The following CIMIP7 variants were observed in gnomAD, a reference collection of about 807,000 sequenced individuals.
The protein encoded by CIMIP7 is uncharacterized protein C3orf84.
chr3:49,181,284 G>A, the CIMIP7 span, among the ~76,000 whole-genome samples: 10 of 149,258 alleles, frequency 6.7e-5, no homozygotes, highest in Admixed American at 1.3e-4. Context: ...GGAGGTTGCA[G>A]TGAGCCGAGA....
the CIMIP7 span, chr3:49,177,877 T>TGG: frequency 6.2e-7 from 1 of 1,613,868 alleles, no homozygotes. Flanking sequence ...GATGAGGTGC[T>TGG]GGGGGAGGCC....
the CIMIP7 span, chr3:49,191,659 C>T: frequency 5.8e-3 from 8,565 of 1,464,106 alleles, 38 homozygotes; most frequent in Non-Finnish European, 7.1e-3. Flanking sequence ...AAATGAAAAC[C>T]TTTTCACTTC....
At chr3:49,188,001 GA>G in the CIMIP7 span, among the ~76,000 whole-genome samples, 2 of 152,210 alleles carry the variant, frequency 1.3e-5, no homozygotes, top group Non-Finnish European at 2.9e-5. Context: ...TTAACAGATT[GA>G]TAGGATGTTC....
the CIMIP7 span, chr3:49,191,621 C>T: frequency 1.9e-6 from 2 of 1,077,548 alleles, no homozygotes; most frequent in African/African-American, 1.5e-5. Context: ...AAGTGGGCGG[C>T]TCAGGGTCCT....
the CIMIP7 span, chr3:49,178,558 G>C: frequency 1.9e-6 from 3 of 1,609,180 alleles, no homozygotes; most frequent in African/African-American, 2.7e-5. Flanking sequence ...CAGTGAGAAA[G>C]AAGGTGAATG....
At chr3:49,190,192 C>G in the CIMIP7 span, 1 of 1,341,196 alleles carries the variant, frequency 7.5e-7, no homozygotes, top group South Asian at 1.2e-5. Flanking sequence ...ACCATGGATC[C>G]TAGACCTCAG....
At chr3:49,181,640 G>A in the CIMIP7 span, among the ~76,000 whole-genome samples, 2 of 152,154 alleles carry the variant, frequency 1.3e-5, no homozygotes, top group African/African-American at 2.4e-5. Context: ...GCTACAGACT[G>A]GGAGAAAATA....
the CIMIP7 span, among the ~76,000 whole-genome samples, chr3:49,179,771 G>A: frequency 1.3e-5 from 2 of 152,218 alleles, no homozygotes; most frequent in African/African-American, 4.8e-5. Flanking sequence ...GGCAAAGGCG[G>A]TCTGTCTTGC....
At chr3:49,182,208 G>A in the CIMIP7 span, among the ~76,000 whole-genome samples, 3 of 152,340 alleles carry the variant, frequency 2.0e-5, no homozygotes, top group East Asian at 1.9e-4. Context: ...GACCAAAGCG[G>A]GTTGCCACTG....
At chr3:49,182,020 G>A in the CIMIP7 span, among the ~76,000 whole-genome samples, 1 of 152,140 alleles carries the variant, frequency 6.6e-6, no homozygotes, top group Non-Finnish European at 1.5e-5. Context: ...TTCAGGCGGC[G>A]CGTCTGGAGT....
At chr3:49,179,759 T>C in the CIMIP7 span, among the ~76,000 whole-genome samples, 1 of 152,216 alleles carries the variant, frequency 6.6e-6, no homozygotes, top group Admixed American at 6.5e-5. Context: ...AAGCTGCTTG[T>C]GGGCAAAGGC....
At chr3:49,183,301 G>A in the CIMIP7 span, among the ~76,000 whole-genome samples, 1 of 152,256 alleles carries the variant, frequency 6.6e-6, no homozygotes, top group Non-Finnish European at 1.5e-5. Flanking sequence ...TGGTGAGAAT[G>A]CAGAGAAACC....
the CIMIP7 span, chr3:49,178,332 G>T: frequency 2.5e-5 from 19 of 745,360 alleles, no homozygotes; most frequent in Admixed American, 4.6e-4. Context: ...GTTTCCCAGA[G>T]GAGAAAGTTT....
At chr3:49,182,738 G>C in the CIMIP7 span, among the ~76,000 whole-genome samples, 6 of 152,138 alleles carry the variant, frequency 3.9e-5, no homozygotes, top group Non-Finnish European at 8.8e-5. Flanking sequence ...GGGGAGGCTC[G>C]GGCTGCACAG....
the CIMIP7 span, chr3:49,191,852 T>C: frequency 1.4e-6 from 2 of 1,416,396 alleles, no homozygotes; most frequent in East Asian, 5.0e-5. Context: ...TCTCTGGAGG[T>C]CAATTTTTTG....
chr3:49,189,333 G>C, the CIMIP7 span, among the ~76,000 whole-genome samples: 8 of 151,578 alleles, frequency 5.3e-5, no homozygotes, highest in African/African-American at 1.7e-4. Flanking sequence ...CTGGTTTCGA[G>C]CTCCTGACCT....
chr3:49,181,019 CA>C, the CIMIP7 span, among the ~76,000 whole-genome samples: 1 of 150,802 alleles, frequency 6.6e-6, no homozygotes, highest in East Asian at 2.0e-4. Context: ...ATGAAAACTC[CA>C]AGAAGGTGGG....
At chr3:49,186,210 G>A in the CIMIP7 span, among the ~76,000 whole-genome samples, 1 of 151,088 alleles carries the variant, frequency 6.6e-6, no homozygotes, top group Non-Finnish European at 1.5e-5. Flanking sequence ...TGTTGGTCAG[G>A]CTGGTCTTGA....
At chr3:49,186,316 C>A in the CIMIP7 span, among the ~76,000 whole-genome samples, 1 of 152,062 alleles carries the variant, frequency 6.6e-6, no homozygotes, top group Non-Finnish European at 1.5e-5. Flanking sequence ...CAGCTCACTG[C>A]AAGCTCCACC....
Sources: allele counts gnomAD v4.1 joint callset (sites outside exome capture counted in the v4.1 genomes callset), GRCh38; gene constraint gnomAD v4.1.1; transcripts MANE v1.5; gene names NCBI Gene and HGNC (gene_info 2026-07-23, HGNC 2026-07-21).